Variants in SMG6 observed in about 807,000 individuals in gnomAD.
SMG6 encodes telomerase-binding protein EST1A.
SMG6 carries 66 observed loss-of-function variants against 142.2 expected under a neutral mutation model. The observed-to-expected ratio is 0.46, with a 90% CI of 0.38 to 0.57. The LOEUF (loss-of-function observed/expected upper bound fraction) is 0.57, where lower values mean the gene tolerates loss of function less well. Among genes scored for constraint, SMG6 ranks in the 20% least tolerant of loss-of-function variants. The pLI is 0.00. For synonymous variants in SMG6, 779 were observed against 702.4 expected, an observed-to-expected ratio of 1.11 and a Z score of -1.72; for missense variants, 1,793 against 1,832.0, an observed-to-expected ratio of 0.98 and a Z score of 0.39.
chr17:2,088,175 G>C, intron 13 of SMG6: 5 of 985,450 alleles, frequency 5.1e-6, no homozygotes, highest in Non-Finnish European at 6.0e-6. Flanking sequence ...CACATGCACA[G>C]ACAGGCGGGC....
chr17:2,096,985 G>T (rs531060287), intron 13 of SMG6, among the ~76,000 whole-genome samples: 1 of 152,210 alleles, frequency 6.6e-6, no homozygotes, highest in South Asian at 2.1e-4. Flanking sequence ...TTGTCCTTTG[G>T]TTGGAAGAGA....
chr17:2,157,060 C>A (rs577908788), intron 13 of SMG6, among the ~76,000 whole-genome samples: 1,894 of 152,276 alleles, frequency 0.012, 28 homozygotes, highest in Non-Finnish European at 0.018. Flanking sequence ...GACCCTCCCT[C>A]CTCCTAAGGG....
At position 2,102,898 on chromosome 17, in the gene SMG6, T is replaced by C. The variant is rs540749891; in HGVS notation, c.3358-16997A>G. ...TAAGTGAGAACATATGGTATGTGTC[T>C]TTCCGTGCCTGGCTTATTTCACTCA... On this transcript the variant is annotated intron_variant, in intron 13 of 18. Transcript: ENST00000263073. Among the ~76,000 whole-genome samples the C allele has an allele frequency of 3.3e-5, 5 of 152,340 alleles. No homozygotes were observed. The East Asian group carries it at 5.8e-4, about 18-fold the overall frequency.
intron 13 of SMG6, among the ~76,000 whole-genome samples, chr17:2,151,790 GA>G (rs1008318692): frequency 6.6e-6 from 1 of 152,202 alleles, no homozygotes; most frequent in Admixed American, 6.5e-5. Flanking sequence ...CACACAACAT[GA>G]AAGAGACCCA....
At position 2,300,455 on chromosome 17, in the gene SMG6, C is replaced by A; in HGVS notation, c.298G>T (p.Glu100Ter). 6.2e-7 allele frequency: 1 copy of A among 1,614,144 alleles called. No homozygotes were observed. The highest frequency in any genetic ancestry group is 8.5e-7 in the Non-Finnish European group (1 of 1,180,012). The change falls in exon 2 of 19, where the codon GAA becomes TAA. Residue 100 changes from glutamate (E) to a stop codon, truncating the protein, a stop_gained. Transcript: ENST00000263073. LOFTEE classifies it high-confidence loss of function. ...CCATTCTGCTCTTGGTTGTTCAGTTCCTTGCAGACATCTTTAACGGGCTGT... is the reference window on the plus strand; with the variant it reads ...CCATTCTGCTCTTGGTTGTTCAGTTACTTGCAGACATCTTTAACGGGCTGT... ...GTQPVKDVCK[E>*]LNNQEQNGPI...
intron 10 of SMG6, among the ~76,000 whole-genome samples, chr17:2,228,480 G>A (rs1440629918): frequency 6.6e-6 from 1 of 152,014 alleles, no homozygotes; most frequent in Non-Finnish European, 1.5e-5. Flanking sequence ...ACCCGCCTCA[G>A]CCTCCCAAAG....
At position 2,065,134 on chromosome 17, in the gene SMG6, G is replaced by T; in HGVS notation, c.4068C>A (p.Ile1356=). ...TGQLGNNDDL[I]LSCCLHYCKD... Reference sequence around the variant, plus strand: ...TGCAGTAGTGGAGGCAGCAGGACAGGATGAGATCATCGTTGTTACCCTGGA... The same window carrying T: ...TGCAGTAGTGGAGGCAGCAGGACAGTATGAGATCATCGTTGTTACCCTGGA... The change falls in exon 18 of 19, where the codon ATC becomes ATA. Residue 1356 remains isoleucine (I), a synonymous_variant. Transcript: ENST00000263073. 6.2e-7 allele frequency: 1 copy of T among 1,613,846 alleles called. No individual in the cohort carries two copies. The highest frequency in any genetic ancestry group is 8.5e-7 in the Non-Finnish European group (1 of 1,179,794).
At chr17:2,063,696 G>C (rs2067852288) in intron 18 of SMG6, among the ~76,000 whole-genome samples, 1 of 152,260 alleles carries the variant, frequency 6.6e-6, no homozygotes, top group South Asian at 2.1e-4. Flanking sequence ...GGGAGGCTGA[G>C]AACTGGCTTT....
intron 6 of SMG6, among the ~76,000 whole-genome samples, chr17:2,284,438 T>C (rs1379789684): frequency 1.3e-5 from 2 of 151,978 alleles, no homozygotes; most frequent in African/African-American, 4.8e-5. Flanking sequence ...AAGCAATTAA[T>C]AGGGAAAAGA....
At chr17:2,154,766 G>C (rs984433136) in intron 13 of SMG6, among the ~76,000 whole-genome samples, 3 of 152,200 alleles carry the variant, frequency 2.0e-5, no homozygotes, top group Admixed American at 1.3e-4. Context: ...TATAAGGACA[G>C]CATGGTGGCT....
In SMG6 at chr17:2,292,915, G is replaced by A. The variant is rs2075070499; in HGVS notation, c.2214C>T (p.Tyr738=). 2.5e-6 allele frequency: 4 copies of A among 1,614,000 alleles called. No individual in the cohort carries two copies. Among genetic ancestry groups the A allele is most frequent in the Non-Finnish European group, 3.4e-6 (4 of 1,180,010 alleles). ...CMICQGDIAR[Y]REQASDTANY... ...TCGCTGTATCACTGGCTTGCTCCCG[G>A]TACCTAGCAATATCTCCTTGGCATA... The change falls in exon 5 of 19, where the codon TAC becomes TAT. Residue 738 remains tyrosine (Y), a synonymous_variant. Coordinates refer to ENST00000263073, the MANE Select transcript of SMG6 (RefSeq NM_017575.5).
chr17:2,134,553 A>C (rs2070231779), intron 13 of SMG6, among the ~76,000 whole-genome samples: 1 of 151,892 alleles, frequency 6.6e-6, no homozygotes, highest in Non-Finnish European at 1.5e-5. Context: ...TGAAACACTG[A>C]GATTGGAAAA....
Position 2,303,426 on chromosome 17 carries a change from C to T in SMG6, c.88+207G>A, listed in dbSNP as rs926246610. 7.1e-6 allele frequency: 9 copies of T among 1,261,656 alleles called. No individual in the cohort carries two copies. The South Asian group carries it at 1.2e-4, about 16-fold the overall frequency. The allele number at this position is 1,261,656 out of a possible 1,614,324, so 78.2% of individuals were successfully genotyped here. A position where few individuals can be genotyped will look rare whatever the true frequency, so the allele number is the denominator to read the frequency against. On this transcript the variant is annotated intron_variant, in intron 1 of 18. Transcript: ENST00000263073. Reference sequence around the variant, plus strand: ...GGCAGGAATTCGGGCCAGGCTCTCCCGGAGCTGGCCAGGACTGGCCGAGCC... The same window carrying T: ...GGCAGGAATTCGGGCCAGGCTCTCCTGGAGCTGGCCAGGACTGGCCGAGCC...
At chr17:2,106,704 T>C (rs2069165725) in intron 13 of SMG6, among the ~76,000 whole-genome samples, 1 of 152,060 alleles carries the variant, frequency 6.6e-6, no homozygotes, top group African/African-American at 2.4e-5. Context: ...ACTACATATA[T>C]GGGGGAATGC....
intron 13 of SMG6, among the ~76,000 whole-genome samples, chr17:2,099,410 T>C (rs1379801512): frequency 6.6e-6 from 1 of 151,976 alleles, no homozygotes. Flanking sequence ...CCATGGAGGC[T>C]GTTGTACCAG....
Position 2,303,637 on chromosome 17 carries a change from G to C in SMG6, c.84C>G (p.Ser28Arg), listed in dbSNP as rs1394483821. 3 of 1,483,590 alleles carry C rather than the reference G, an allele frequency of 2.0e-6. No homozygotes were observed. The highest frequency in any genetic ancestry group is 1.3e-5 in the South Asian group (1 of 78,958). 91.9% of individuals were successfully genotyped at this position (1,483,590 alleles called of 1,614,324 possible). ...ILATLAPQAG[S>R]RENMKELKEA... is the part of the protein sequence containing the mutation. ...GAGCTGGGCGGCGCGACTCACCTCT[G>C]CTCCCGGCCTGCGGGGCCAGAGTAG... is the stretch of plus-strand genomic sequence containing the variant. The change falls in exon 1 of 19, where the codon AGC becomes AGG. Residue 28 changes from serine to arginine, a missense_variant. Ser to Arg is a moderately radical substitution (Grantham distance 110, BLOSUM62 -1). Coordinates refer to ENST00000263073, the MANE Select transcript of SMG6 (RefSeq NM_017575.5).
At chr17:2,175,428 C>T (rs980806957) in intron 12 of SMG6, among the ~76,000 whole-genome samples, 1 of 152,080 alleles carries the variant, frequency 6.6e-6, no homozygotes, top group African/African-American at 2.4e-5. Flanking sequence ...ACATCCCTCT[C>T]TCATCCTCCC....
At chr17:2,171,664 G>A (rs563341702) in intron 13 of SMG6, among the ~76,000 whole-genome samples, 1 of 151,804 alleles carries the variant, frequency 6.6e-6, no homozygotes, top group East Asian at 1.9e-4. Flanking sequence ...GTGAGCCACT[G>A]CAACGGGCCA....
chr17:2,205,622 A>C (rs2072654932), intron 10 of SMG6, among the ~76,000 whole-genome samples: 1 of 152,170 alleles, frequency 6.6e-6, no homozygotes, highest in African/African-American at 2.4e-5. Context: ...AAGAGGAAAC[A>C]CCAATAACTG....
Sources: gnomAD v4.1 joint callset for allele counts (sites outside exome capture counted in the v4.1 genomes callset) on GRCh38, gnomAD v4.1.1 for gene constraint, MANE v1.5 for transcripts, NCBI Gene and HGNC (gene_info 2026-07-23, HGNC 2026-07-21) for gene names.